TEP1: variants seen among roughly 807,000 people sequenced by gnomAD.
TEP1 encodes telomerase associated protein 1.
TEP1 carries 241 observed loss-of-function variants against 306.3 expected under a neutral mutation model. The ratio of observed to expected loss-of-function variants is 0.79; its 90% CI spans 0.71 to 0.88. TEP1 has a LOEUF of 0.88. Among genes scored for constraint, TEP1 ranks in the 40% least tolerant of loss-of-function variants. The pLI is 0.00. For synonymous variants in TEP1, 1,289 were observed against 1,305.5 expected, an observed-to-expected ratio of 0.99 and a Z score of 0.27; for missense variants, 3,051 against 3,276.1, an observed-to-expected ratio of 0.93 and a Z score of 1.68.
In TEP1 at chr14:20,406,390, A is replaced by G; in HGVS notation, c.578T>C (p.Phe193Ser). ...TGCCCCTTTCTTCTCTTCTGAATCAAACCAACGACCCTGGGGTAGTAGTGG... is the reference window on the plus strand; with the variant it reads ...TGCCCCTTTCTTCTCTTCTGAATCAGACCAACGACCCTGGGGTAGTAGTGG... ...TAQEATLGRW[F>S]DSEEKKGAET... Residue 193 changes from phenylalanine (F) to serine (S), a missense_variant, in exon 3 of 55, where the codon TTT becomes TCT. Phe to Ser is a radical substitution (Grantham distance 155, BLOSUM62 -2). This residue lies in a region of TEP1 where 1,507 missense variants were observed against 1,550.5 expected (regional missense o/e 0.97). Transcript: ENST00000262715. 1.2e-6 allele frequency: 2 copies of G among 1,614,056 alleles called. No individual in the cohort carries two copies. Among genetic ancestry groups the G allele is most frequent in the Non-Finnish European group, 1.7e-6 (2 of 1,179,990 alleles).
In TEP1 at chr14:20,391,637, T is replaced by G. The variant is rs1284158188; in HGVS notation, c.2059A>C (p.Asn687His). Reference protein sequence around the residue: ...RTVLVYLTDANADRLCPKSNP... With the variant: ...RTVLVYLTDAHADRLCPKSNP... ...CTCTTTGGACAGAGCCTGTCTGCAT[T>G]AGCATCTGTCAGATAGACCAAGACA... The change falls in exon 13 of 55, where the codon AAT becomes CAT. Residue 687 changes from asparagine (N) to histidine (H), a missense_variant. By Grantham distance (68) the Asn-to-His change is moderately conservative. Coordinates refer to ENST00000262715, the MANE Select transcript of TEP1 (RefSeq NM_007110.5). The G allele has an allele frequency of 6.2e-7, 1 of 1,613,980 alleles. No individual in the cohort carries two copies. Among genetic ancestry groups the G allele is most frequent in the African/African-American group, 1.3e-5 (1 of 74,894 alleles).
Position 20,391,653 on chromosome 14 carries a change from G to GACCAAGAC in TEP1, c.2035_2042dup (p.Tyr682SerfsTer5). ...TGTCTGCATTAGCATCTGTCAGATA[G>GACCAAGAC]ACCAAGACAGTGCGGCCTGGCAGCA... On this transcript the variant is annotated frameshift_variant, in exon 13 of 55. Transcript: ENST00000262715. LOFTEE classifies it high-confidence loss of function. 1 of 1,614,202 alleles carries GACCAAGAC rather than the reference G, an allele frequency of 6.2e-7. No individual in the cohort carries two copies. The highest frequency in any genetic ancestry group is 8.5e-7 in the Non-Finnish European group (1 of 1,180,046).
In TEP1 at chr14:20,408,563, A is replaced by C. The variant is rs1248946617; in HGVS notation, c.-24-100T>G. 3 of 920,404 alleles carry C rather than the reference A, an allele frequency of 3.3e-6. No individual in the cohort carries two copies. In the African/African-American group the frequency reaches 5.0e-5, roughly 15 times the overall value. The allele number at this position is 920,404 out of a possible 1,614,324, so 57.0% of individuals were successfully genotyped here. On this transcript the variant is annotated intron_variant, in intron 1 of 54. Coordinates refer to ENST00000262715, the MANE Select transcript of TEP1 (RefSeq NM_007110.5). ...CACAGCCCTCCTGATAATGCCAATG[A>C]TTTGTGGGTAGAAAACAACCAATGT...
intron 9 of TEP1, 26 bp from the exon 10 acceptor site, chr14:20,396,756 G>A (rs1878237952): frequency 1.3e-6 from 2 of 1,550,124 alleles, no homozygotes; most frequent in Non-Finnish European, 1.8e-6. Context: ...CATAGAGTGA[G>A]AAAAACAAAT....
intron 9 of TEP1, among the ~76,000 whole-genome samples, chr14:20,398,929 A>C (rs1878443529): frequency 6.6e-6 from 1 of 151,110 alleles, no homozygotes; most frequent in Non-Finnish European, 1.5e-5. Context: ...TTTGAGATGG[A>C]GTCTGTCTCT....
At position 20,366,033 on chromosome 14, in the gene TEP1, C is replaced by T. The variant is rs1201328560; in HGVS notation, c.*2404G>A. The T allele has an allele frequency of 3.3e-5, 5 of 152,300 alleles. No individual in the cohort carries two copies. The highest frequency in any genetic ancestry group is 2.1e-4 in the South Asian group (1 of 4,826). The allele number at this position is 152,300 out of a possible 1,614,324, so 9.4% of individuals were successfully genotyped here. On this transcript the variant is annotated 3_prime_UTR_variant, in exon 55 of 55. Transcript: ENST00000262715. ...AACTTGAAGGATGTTTAATGTAAAC[C>T]TAAATTGATTTTCCCTTCAACTCCT...
At chr14:20,404,460 C>T (rs993257417) in intron 5 of TEP1, 151 bp downstream of exon 5, 1 of 972,276 alleles carries the variant, frequency 1.0e-6, no homozygotes, top group East Asian at 2.8e-5. Context: ...GACAACCCAG[C>T]CTAGTGGAGG....
chr14:20,369,615 G>T (rs760610542), intron 52 of TEP1, 39 bp from the exon 53 acceptor site: 18 of 1,612,940 alleles, frequency 1.1e-5, no homozygotes, highest in Admixed American at 1.7e-5. Context: ...AAGTCTCAGG[G>T]ATCTGCCATC....
At position 20,403,746 on chromosome 14, in the gene TEP1, G is replaced by T; in HGVS notation, c.1171C>A (p.Pro391Thr). 1 of 1,613,960 alleles carries T rather than the reference G, an allele frequency of 6.2e-7. No homozygotes were observed. Among genetic ancestry groups the T allele is most frequent in the Non-Finnish European group, 8.5e-7 (1 of 1,180,030 alleles). Residue 391 changes from proline to threonine, a missense_variant, in exon 6 of 55, where the codon CCC (proline) becomes ACC (threonine). Around this residue, in one of 3 missense-constraint regions of TEP1, gnomAD observed 1,507 missense variants for 1,550.5 expected, o/e 0.97. Coordinates refer to ENST00000262715, the MANE Select transcript of TEP1 (RefSeq NM_007110.5). ...ACTGGAGAGCGGGGTGGCCGGCGGG[G>T]GTGTCTCTTGGCCCGGTGCTTCCGA... is the stretch of plus-strand genomic sequence containing the variant. ...NPRKHRAKRH[P>T]RRPPRSPGME... is the part of the protein sequence containing the mutation.
chr14:20,369,869 G>T, intron 51 of TEP1, 90 bp from the exon 52 acceptor site: 3 of 988,978 alleles, frequency 3.0e-6, no homozygotes, highest in Non-Finnish European at 4.4e-6. Context: ...GGGCTGGTCA[G>T]GAATTTTTTT....
intron 3 of TEP1, 92 bp from the exon 4 acceptor site, chr14:20,405,677 G>C (rs1200832443): frequency 5.5e-6 from 8 of 1,456,842 alleles, no homozygotes; most frequent in South Asian, 5.2e-5. Flanking sequence ...GTCAAGGACA[G>C]AGAGAATGGA....
At chr14:20,379,555 T>C (rs1484565073) in intron 35 of TEP1, among the ~76,000 whole-genome samples, 1 of 152,226 alleles carries the variant, frequency 6.6e-6, no homozygotes, top group Non-Finnish European at 1.5e-5. Flanking sequence ...CAAGAGTGCC[T>C]GCCCTTCTCT....
rs745400494 is a variant in TEP1 at position 20,373,221 on chromosome 14, CT to C, written c.6814+48del. On this transcript the variant is annotated intron_variant, in intron 47 of 54. Coordinates refer to ENST00000262715, the MANE Select transcript of TEP1 (RefSeq NM_007110.5). ...TAAGAGATATCAGGCCACCCTTGAC[CT>C]TTTTTTGTGCCAGTAACACACCCTG... 38 of 1,612,286 alleles carry C rather than the reference CT, an allele frequency of 2.4e-5. No individual in the cohort carries two copies. In the South Asian group the frequency reaches 3.5e-4, roughly 15 times the overall value.
In TEP1 at chr14:20,368,895, G is replaced by T. The variant is rs369887954; in HGVS notation, c.7664C>A (p.Ser2555Ter). The change falls in exon 54 of 55, where the codon TCG (serine) becomes TAG (stop). Residue 2555 changes from serine (S) to a stop codon, truncating the protein, a stop_gained. Coordinates refer to ENST00000262715, the MANE Select transcript of TEP1 (RefSeq NM_007110.5). LOFTEE classifies it high-confidence loss of function. ...LKTRQRRKIH[S>*]GSVTALHVLP... Reference sequence around the variant, plus strand: ...CACATGGAGGGCTGTGACAGAGCCCGAGTGAATCTCAAAGAGGAAAGGGGA... The same window carrying T: ...CACATGGAGGGCTGTGACAGAGCCCTAGTGAATCTCAAAGAGGAAAGGGGA... 1 of 1,613,110 alleles carries T rather than the reference G, an allele frequency of 6.2e-7. No homozygotes were observed. Among genetic ancestry groups the T allele is most frequent in the Non-Finnish European group, 8.5e-7 (1 of 1,179,476 alleles).
At position 20,366,691 on chromosome 14, in the gene TEP1, C is replaced by T. The variant is rs1884490233; in HGVS notation, c.*1746G>A. 1 of 152,180 alleles carries T rather than the reference C, an allele frequency of 6.6e-6. No homozygotes were observed. Among genetic ancestry groups the T allele is most frequent in the Non-Finnish European group, 1.5e-5 (1 of 68,042 alleles). The allele number at this position is 152,180 out of a possible 1,614,324, so 9.4% of individuals were successfully genotyped here. On this transcript the variant is annotated 3_prime_UTR_variant, in exon 55 of 55. Coordinates refer to ENST00000262715, the MANE Select transcript of TEP1 (RefSeq NM_007110.5). ...AGTGCCCTTTAACTCCCCAAGTCTT[C>T]AAAACTCATTTCTAGACCAGGGTGT...
At position 20,389,757 on chromosome 14, in the gene TEP1, G is replaced by A. The variant is rs1261098331; in HGVS notation, c.2335-17C>T. The A allele has an allele frequency of 1.9e-6, 3 of 1,613,670 alleles. No individual in the cohort carries two copies. The highest frequency in any genetic ancestry group is 1.1e-5 in the South Asian group (1 of 91,070). Reference sequence around the variant, plus strand: ...CCTGTCCACCTGTAAGATGAAAAGGGAGAAGATGCTAGAGAAGGGATGCTA... The same window carrying A: ...CCTGTCCACCTGTAAGATGAAAAGGAAGAAGATGCTAGAGAAGGGATGCTA... On this transcript the variant is annotated splice_polypyrimidine_tract_variant and intron_variant, in intron 15 of 54. Transcript: ENST00000262715.
Position 20,368,875 on chromosome 14 carries a change from G to A in TEP1, c.7684C>T (p.His2562Tyr). The change falls in exon 54 of 55, where the codon CAT becomes TAT. Residue 2562 changes from histidine (H) to tyrosine (Y), a missense_variant. By Grantham distance (83) the His-to-Tyr change is moderately conservative. Transcript: ENST00000262715. ...GTCACCAGCAACTCAGGTAGCACAT[G>A]GAGGGCTGTGACAGAGCCCGAGTGA... Reference protein sequence around the residue: ...KIHSGSVTALHVLPELLVTAS... With the variant: ...KIHSGSVTALYVLPELLVTAS... The A allele has an allele frequency of 3.1e-6, 5 of 1,613,970 alleles. No individual in the cohort carries two copies. The highest frequency in any genetic ancestry group is 1.1e-5 in the South Asian group (1 of 91,030).
At chr14:20,405,377 C>CCCACCATAACCCACCACACA (rs138978001) in intron 4 of TEP1, 74 bp downstream of exon 4, 136,554 of 1,564,994 alleles carry the variant, frequency 0.087, 6,363 homozygotes, top group African/African-American at 0.13. Context: ...CTAGTCACCA[C>CCCACCATAACCCACCACACA]CCCGCCACAC....
Position 20,368,427 on chromosome 14 carries a change from T to C in TEP1, c.*10A>G, listed in dbSNP as rs772455005. ...CACAAGGGGTATCATTATTCCCGAG[T>C]GGCACATCTTCATTCCCAATTCAGA... On this transcript the variant is annotated 3_prime_UTR_variant, in exon 55 of 55. Transcript: ENST00000262715. The C allele has an allele frequency of 5.3e-5, 86 of 1,613,724 alleles. No homozygotes were observed. Among genetic ancestry groups the C allele is most frequent in the African/African-American group, 1.1e-4 (8 of 74,902 alleles).
Sources: gnomAD v4.1 joint callset for allele counts (sites outside exome capture counted in the v4.1 genomes callset) on GRCh38, gnomAD v4.1.1 for gene constraint, gnomAD v4.1.1 regional missense constraint, MANE v1.5 for transcripts, NCBI Gene and HGNC (gene_info 2026-07-23, HGNC 2026-07-21) for gene names.